SPATA24: variants seen among roughly 807,000 people sequenced by gnomAD.
The protein encoded by SPATA24 is spermatogenesis associated 24.
SPATA24 carries 21 observed loss-of-function variants against 28.9 expected under a neutral mutation model. The observed-to-expected ratio is 0.73, with a 90% CI of 0.52 to 1.05. The LOEUF is 1.05. Among genes scored for constraint, SPATA24 ranks in the 50% least tolerant of loss-of-function variants. SPATA24 has a pLI of 0.00. For synonymous variants in SPATA24, 76 were observed against 89.9 expected, an observed-to-expected ratio of 0.85 and a Z score of 0.88; for missense variants, 215 against 242.9, an observed-to-expected ratio of 0.88 and a Z score of 0.76.
At chr5:139,396,101 C>T (rs765899489), downstream of SPATA24, 1 of 894,442 alleles carries the variant, frequency 1.1e-6, no homozygotes, top group East Asian at 1.2e-4. Flanking sequence ...GGAGCAAGAG[C>T]ACTGCCCCCT....
At chr5:139,392,895 C>T, downstream of SPATA24, 1 of 1,543,944 alleles carries the variant, frequency 6.5e-7, no homozygotes, top group Non-Finnish European at 8.7e-7. This position sits in a 1 kb window ranked among gnomAD's most constrained non-coding sequence, Gnocchi z 5.8. Context: ...TCTCTGTGCG[C>T]TTGAAGGGCT....
intron 4 of SPATA24, chr5:139,401,378 G>C (rs1188211547): frequency 5.1e-6 from 3 of 583,504 alleles, no homozygotes; most frequent in Admixed American, 6.3e-5. Flanking sequence ...TCCCTATTGA[G>C]TCCTGACCCT....
At chr5:139,395,195 C>T (rs1758677505), downstream of SPATA24, 4 of 1,107,728 alleles carry the variant, frequency 3.6e-6, no homozygotes, top group Non-Finnish European at 4.8e-6. Flanking sequence ...TTAAAGCGGC[C>T]GCGTCCACTC....
intron 1 of SPATA24, 129 bp from the exon 2 acceptor site, chr5:139,402,822 G>C (rs1372876998): frequency 2.9e-6 from 2 of 699,652 alleles, no homozygotes; most frequent in East Asian, 5.4e-5. Context: ...GCCTTGGGAA[G>C]GGAGAATTCA....
chr5:139,401,376 G>A, intron 4 of SPATA24: 1 of 570,688 alleles, frequency 1.8e-6, no homozygotes, highest in Non-Finnish European at 3.1e-6. Flanking sequence ...CTTCCCTATT[G>A]AGTCCTGACC....
chr5:139,394,478 G>T, downstream of SPATA24: 1 of 1,423,400 alleles, frequency 7.0e-7, no homozygotes. Context: ...ACTGTCCGGG[G>T]CCTGGCGGGC....
At chr5:139,402,453 G>A (rs530287134) in intron 2 of SPATA24, among the ~76,000 whole-genome samples, 175 bp downstream of exon 2, 2 of 151,902 alleles carry the variant, frequency 1.3e-5, no homozygotes, top group Non-Finnish European at 2.9e-5. Flanking sequence ...ATGTTGGCCA[G>A]GCTGGTCTCG....
chr5:139,395,217 G>A (rs1758677923), downstream of SPATA24: 2 of 880,788 alleles, frequency 2.3e-6, no homozygotes, highest in Non-Finnish European at 3.1e-6. Flanking sequence ...TGAGCCAGCG[G>A]CGCCGGCAGC....
At chr5:139,394,767 C>G, downstream of SPATA24, 2 of 1,531,360 alleles carry the variant, frequency 1.3e-6, no homozygotes, top group South Asian at 1.2e-5. Context: ...CCGACGGCAG[C>G]GTGCGCAGCT....
downstream of SPATA24, chr5:139,394,828 C>G (rs1262524373): frequency 1.0e-5 from 16 of 1,530,760 alleles, no homozygotes; most frequent in Non-Finnish European, 1.4e-5. Context: ...GAAACCCGAG[C>G]CGGGCCCGTG....
downstream of SPATA24, chr5:139,392,938 A>C: frequency 6.6e-7 from 1 of 1,520,486 alleles, no homozygotes; most frequent in South Asian, 1.2e-5. This position sits in a 1 kb window ranked among gnomAD's most constrained non-coding sequence, Gnocchi z 5.8. Flanking sequence ...CCGCCGCAGG[A>C]CCCCGTTGGG....
At chr5:139,394,674 C>A (rs1489602210), downstream of SPATA24, 1 of 1,534,540 alleles carries the variant, frequency 6.5e-7, no homozygotes, top group South Asian at 1.2e-5. Context: ...AGGCCGGCTC[C>A]GTGAACTGTT....
chr5:139,392,591 C>G, downstream of SPATA24: 1 of 1,365,300 alleles, frequency 7.3e-7, no homozygotes, highest in South Asian at 1.8e-5. This position sits in a 1 kb window ranked among gnomAD's most constrained non-coding sequence, Gnocchi z 5.8. Flanking sequence ...GGCGCCTGGA[C>G]GGCAGCCGCG....
chr5:139,394,932 C>A, downstream of SPATA24: 1 of 1,519,930 alleles, frequency 6.6e-7, no homozygotes, highest in Non-Finnish European at 8.8e-7. Flanking sequence ...CTGGGCCTTT[C>A]GCGTCCGGCC....
downstream of SPATA24, chr5:139,394,768 G>A (rs751792293): frequency 6.5e-6 from 10 of 1,532,042 alleles, no homozygotes; most frequent in South Asian, 4.8e-5. Flanking sequence ...CGACGGCAGC[G>A]TGCGCAGCTG....
chr5:139,396,537 C>T, downstream of SPATA24: 1 of 1,284,254 alleles, frequency 7.8e-7, no homozygotes, highest in Non-Finnish European at 9.9e-7. Context: ...GTTAAATTTA[C>T]CAGGACACTG....
chr5:139,396,134 G>A (rs566467798), downstream of SPATA24: 27 of 982,198 alleles, frequency 2.7e-5, no homozygotes, highest in South Asian at 6.1e-4. Flanking sequence ...GCCTCAAACC[G>A]ACCCAGGACA....
rs1262714653 is a variant in SPATA24 at position 139,397,071 on chromosome 5, T to G, written c.458A>C (p.Gln153Pro). The G allele has an allele frequency of 9.0e-6, 14 of 1,551,842 alleles. No homozygotes were observed. The highest frequency in any genetic ancestry group is 1.2e-5 in the Non-Finnish European group (14 of 1,147,020). The part of the protein sequence containing the change: ...GKENEIKELQ[Q>P]VISQQKQIFR... ...GATCTGTTTCTGCTGGCTGATAACT[T>G]GCTGCAACTCTTTAATCTCATTCTC... Residue 153 changes from glutamine (Q) to proline (P), a missense_variant, in exon 5 of 6, where the codon CAA (glutamine) becomes CCA (proline). Transcript: ENST00000450845.
chr5:139,397,396 T>C (rs908036244), intron 4 of SPATA24, among the ~76,000 whole-genome samples: 2 of 152,146 alleles, frequency 1.3e-5, no homozygotes, highest in African/African-American at 4.8e-5. Context: ...GAGAAGGTCC[T>C]TGGAGAGAAG....
Sources: gnomAD v4.1 joint callset for allele counts (sites outside exome capture counted in the v4.1 genomes callset) on GRCh38, gnomAD v4.1.1 for gene constraint, Gnocchi (gnomAD v3.1) non-coding constraint, MANE v1.5 for transcripts, NCBI Gene and HGNC (gene_info 2026-07-23, HGNC 2026-07-21) for gene names.